Variants in CGGBP1 observed in about 807,000 individuals in gnomAD.
CGGBP1 encodes CGG triplet repeat-binding protein 1.
Under a neutral mutation model 11.4 loss-of-function variants are expected in CGGBP1, and 4 were observed. That is an observed-to-expected ratio of 0.35 (90% CI 0.17 to 0.80). CGGBP1 has a LOEUF of 0.80. Among genes scored for constraint, CGGBP1 ranks in the 30% least tolerant of loss-of-function variants. The probability of loss-of-function intolerance (pLI) is 0.52; values close to 1 mark genes in which losing one functional copy is unlikely to be tolerated. For synonymous variants in CGGBP1, 76 were observed against 74.1 expected, an observed-to-expected ratio of 1.03 and a Z score of -0.13; for missense variants, 135 against 202.1, an observed-to-expected ratio of 0.67 and a Z score of 2.01.
chr3:88,124,829 G>A, intron 2 of CGGBP1, among the ~76,000 whole-genome samples: 1 of 150,758 alleles, frequency 6.6e-6, no homozygotes, highest in South Asian at 2.1e-4. Context: ...AACGCTTTAA[G>A]CTCTATTTAT....
intron 1 of CGGBP1, chr3:88,143,677 T>C (rs1707230586): frequency 6.6e-6 from 1 of 152,356 alleles, no homozygotes; most frequent in African/African-American, 2.4e-5. Flanking sequence ...GTTTCAAATA[T>C]ATTCCATTTG....
At position 88,053,567 on chromosome 3, in the gene CGGBP1, A is replaced by G. The variant is rs1309408910; in HGVS notation, c.*1906T>C. 5 of 152,404 alleles carry G rather than the reference A, an allele frequency of 3.3e-5. No individual in the cohort carries two copies. The highest frequency in any genetic ancestry group is 9.6e-5 in the African/African-American group (4 of 41,460). The allele number at this position is 152,404 out of a possible 1,614,324, so 9.4% of individuals were successfully genotyped here. ...ACTCTCAAAGCTGATCTGCCATTAC[A>G]TTTTGCTATTAGTGCAAATTAATAC... On this transcript the variant is annotated 3_prime_UTR_variant, in exon 4 of 4. Coordinates refer to ENST00000482016, the MANE Select transcript of CGGBP1 (RefSeq NM_001008390.2).
intron 2 of CGGBP1, among the ~76,000 whole-genome samples, chr3:88,123,727 A>G (rs1001236938): frequency 8.5e-5 from 13 of 152,184 alleles, no homozygotes; most frequent in African/African-American, 2.9e-4. Context: ...ATCCTTAGAC[A>G]ACTAGAAAGA....
At chr3:88,114,994 C>T (rs531910426) in intron 2 of CGGBP1, among the ~76,000 whole-genome samples, 10 of 152,288 alleles carry the variant, frequency 6.6e-5, no homozygotes, top group East Asian at 1.9e-4. Context: ...ACCCTAGCTC[C>T]GCAGTGGTTC....
At chr3:88,088,748 GTATGTATGTA>G (rs1708470420) in intron 2 of CGGBP1, among the ~76,000 whole-genome samples, 1 of 79,638 alleles carries the variant, frequency 1.3e-5, no homozygotes, top group Non-Finnish European at 3.0e-5. Flanking sequence ...CTTTATTTAT[GTATGTATGTA>G]TGTATGGATG....
At chr3:88,119,640 G>A (rs1324824563) in intron 2 of CGGBP1, among the ~76,000 whole-genome samples, 3 of 151,170 alleles carry the variant, frequency 2.0e-5, no homozygotes, top group Non-Finnish European at 4.4e-5. Flanking sequence ...TGACTCCAGT[G>A]TTCTTTCTGC....
chr3:88,066,013 C>T (rs1483562124), intron 2 of CGGBP1, among the ~76,000 whole-genome samples: 2 of 152,146 alleles, frequency 1.3e-5, no homozygotes, highest in African/African-American at 2.4e-5. Flanking sequence ...GGATTACAGG[C>T]ATGAGCTACC....
At chr3:88,101,724 T>A (rs922051363) in intron 2 of CGGBP1, among the ~76,000 whole-genome samples, 4 of 152,174 alleles carry the variant, frequency 2.6e-5, no homozygotes, top group Non-Finnish European at 5.9e-5. Flanking sequence ...GATTAGTTTA[T>A]GTTTAGCGTT....
intron 2 of CGGBP1, chr3:88,095,614 G>C: frequency 1.9e-6 from 1 of 517,284 alleles, no homozygotes; most frequent in South Asian, 1.4e-5. Context: ...ATCTTTTCTG[G>C]TTCTAGTCTT....
chr3:88,144,800 AT>A (rs1009387254), intron 1 of CGGBP1: 3 of 152,196 alleles, frequency 2.0e-5, no homozygotes, highest in East Asian at 1.9e-4. Context: ...GGATTGAGTG[AT>A]TTTTTTAAAC....
chr3:88,106,077 G>GA (rs1204152262), intron 2 of CGGBP1, among the ~76,000 whole-genome samples: 1 of 152,122 alleles, frequency 6.6e-6, no homozygotes, highest in Non-Finnish European at 1.5e-5. Context: ...CAAACCTGTT[G>GA]GCGCTCTGAT....
At chr3:88,077,588 A>G (rs1420752190) in intron 2 of CGGBP1, among the ~76,000 whole-genome samples, 1 of 152,190 alleles carries the variant, frequency 6.6e-6, no homozygotes, top group Non-Finnish European at 1.5e-5. Context: ...TACCCATGAA[A>G]AACTTGCATT....
intron 3 of CGGBP1, 139 bp from the exon 4 acceptor site, chr3:88,056,138 T>G: frequency 1.6e-6 from 1 of 622,416 alleles, no homozygotes; most frequent in Non-Finnish European, 2.6e-6. Context: ...TGTCTATTAA[T>G]CTTAACTTAC....
At chr3:88,086,383 G>A (rs1243780280) in intron 2 of CGGBP1, 1 of 1,532,470 alleles carries the variant, frequency 6.5e-7, no homozygotes, top group Non-Finnish European at 8.7e-7. Context: ...TGTACAATAT[G>A]TTTTGAGTAG....
At chr3:88,098,516 G>C (rs1209829413) in intron 2 of CGGBP1, among the ~76,000 whole-genome samples, 1 of 152,142 alleles carries the variant, frequency 6.6e-6, no homozygotes, top group Non-Finnish European at 1.5e-5. Flanking sequence ...AAGCCTGGCA[G>C]AGACACAACA....
At chr3:88,113,297 T>A in intron 2 of CGGBP1, 1 of 642,224 alleles carries the variant, frequency 1.6e-6, no homozygotes, top group Non-Finnish European at 2.5e-6. Flanking sequence ...TATAAGTTTT[T>A]AATGATTGCT....
chr3:88,064,108 T>TA (rs1707054764), intron 2 of CGGBP1, among the ~76,000 whole-genome samples: 2 of 60,418 alleles, frequency 3.3e-5, no homozygotes, highest in Non-Finnish European at 8.9e-5. Flanking sequence ...ACGAGCTTCT[T>TA]CTTTTTTTTT....
rs1706506519 is a variant in CGGBP1, at chr3:88,054,862, T to TA, written c.*610dup. 1 of 152,538 alleles carries TA rather than the reference T, an allele frequency of 6.6e-6. No homozygotes were observed. The highest frequency in any genetic ancestry group is 2.4e-5 in the African/African-American group (1 of 41,414). 9.4% of individuals were successfully genotyped at this position (152,538 alleles called of 1,614,324 possible). On this transcript the variant is annotated 3_prime_UTR_variant, in exon 4 of 4. Coordinates refer to ENST00000482016, the MANE Select transcript of CGGBP1 (RefSeq NM_001008390.2). Reference sequence around the variant, plus strand: ...TTGGTCACTTGAAGCTGCTACAAAATACAACAATAAGCCTTTAAAATGGGG... The same window carrying TA: ...TTGGTCACTTGAAGCTGCTACAAAATAACAACAATAAGCCTTTAAAATGGGG...
intron 2 of CGGBP1, chr3:88,113,099 C>G: frequency 6.7e-7 from 1 of 1,500,438 alleles, no homozygotes; most frequent in Non-Finnish European, 8.9e-7. Context: ...GAAAGTTATT[C>G]ACTTATTCTT....
Sources: gnomAD v4.1 joint callset for allele counts (sites outside exome capture counted in the v4.1 genomes callset) on GRCh38, gnomAD v4.1.1 for gene constraint, MANE v1.5 for transcripts, NCBI Gene and HGNC (gene_info 2026-07-23, HGNC 2026-07-21) for gene names.